PPP1R12B: variants seen among roughly 807,000 people sequenced by gnomAD.
The protein encoded by PPP1R12B is protein phosphatase 1 regulatory subunit 12B.
Under a neutral mutation model 126.1 loss-of-function variants are expected in PPP1R12B, and 76 were observed. That is an observed-to-expected ratio of 0.60 (90% CI 0.50 to 0.73). The LOEUF (loss-of-function observed/expected upper bound fraction) is 0.73, where lower values mean the gene tolerates loss of function less well. PPP1R12B is among the 30% of genes least tolerant of loss of function. The pLI is 0.00. For missense variants in PPP1R12B, 1,052 were observed against 1,205.1 expected, an observed-to-expected ratio of 0.87 and a Z score of 1.88; for synonymous variants, 356 against 434.7, an observed-to-expected ratio of 0.82 and a Z score of 2.25.
chr1:202,497,320 G>T (rs192736494), intron 18 of PPP1R12B, among the ~76,000 whole-genome samples: 153 of 152,276 alleles, frequency 1.0e-3, no homozygotes, highest in African/African-American at 3.4e-3. Flanking sequence ...ACTCTTCCCT[G>T]CAGTGAAAGG....
At chr1:202,491,407 T>G (rs1483787393) in intron 14 of PPP1R12B, among the ~76,000 whole-genome samples, 1 of 152,112 alleles carries the variant, frequency 6.6e-6, no homozygotes, top group Non-Finnish European at 1.5e-5. Context: ...CCTTGGCCTT[T>G]CAAGGTGCTG....
At chr1:202,371,895 G>T (rs569232231) in intron 1 of PPP1R12B, among the ~76,000 whole-genome samples, 85 of 117,258 alleles carry the variant, frequency 7.2e-4, no homozygotes, top group African/African-American at 2.7e-3. Context: ...ACGGAGTATC[G>T]CTCTGTTGCC....
At chr1:202,477,428 A>G (rs1470571919) in intron 13 of PPP1R12B, among the ~76,000 whole-genome samples, 2 of 152,202 alleles carry the variant, frequency 1.3e-5, no homozygotes, top group Non-Finnish European at 2.9e-5. Context: ...AGGCAGTATG[A>G]TTTTTATGCC....
Position 202,493,302 on chromosome 1 carries a change from G to GGCC in PPP1R12B, c.2130_2131insGCC (p.Arg710_Ser711insAla), listed in dbSNP as rs1679132499. On this transcript the variant is annotated inframe_insertion, in exon 15 of 24. Coordinates refer to ENST00000608999, the MANE Select transcript of PPP1R12B (RefSeq NM_002481.4). Reference sequence around the variant, plus strand: ...GGGAGGGCCAGCAGCCCTGGGGCAGGAGTCTGGATGAAGAGGTGAGCTCAT... The same window carrying GGCC: ...GGGAGGGCCAGCAGCCCTGGGGCAGGGCCAGTCTGGATGAAGAGGTGAGCTCAT... 6.2e-7 allele frequency: 1 copy of GGCC among 1,612,030 alleles called. No homozygotes were observed. Among genetic ancestry groups the GGCC allele is most frequent in the Non-Finnish European group, 8.5e-7 (1 of 1,179,722 alleles).
chr1:202,514,615 A>G (rs1440202516), intron 18 of PPP1R12B, among the ~76,000 whole-genome samples: 1 of 152,148 alleles, frequency 6.6e-6, no homozygotes, highest in African/African-American at 2.4e-5. Context: ...TGGTGCAAGG[A>G]AGGTGTCTAG....
intron 18 of PPP1R12B, among the ~76,000 whole-genome samples, chr1:202,503,473 A>C (rs1680447113): frequency 6.6e-6 from 1 of 152,228 alleles, no homozygotes; most frequent in African/African-American, 2.4e-5. Context: ...AGATGTAGGA[A>C]TCTGCAATTC....
intron 1 of PPP1R12B, among the ~76,000 whole-genome samples, chr1:202,400,670 C>A (rs1665683789): frequency 6.6e-6 from 1 of 152,188 alleles, no homozygotes; most frequent in African/African-American, 2.4e-5. Flanking sequence ...CAGCAATATG[C>A]ATGAGCAGTT....
At chr1:202,479,051 T>C (rs910607875) in intron 13 of PPP1R12B, among the ~76,000 whole-genome samples, 5 of 152,220 alleles carry the variant, frequency 3.3e-5, no homozygotes, top group African/African-American at 1.2e-4. Flanking sequence ...CAGAAATTCA[T>C]GGGAAGTTAG....
chr1:202,554,507 G>A lies in PPP1R12B; in HGVS notation c.2491-4370G>A, dbSNP rs1458420900. 7.2e-5 allele frequency among the ~76,000 whole-genome samples: 11 copies of A among 152,036 alleles called. No homozygotes were observed. The East Asian group carries it at 1.9e-3, about 27-fold the overall frequency. ...GTAGGGTTGACTTTCCCAGGACATT[G>A]CTAAGGTTAGCCCCTGAAGGCAATA... On this transcript the variant is annotated intron_variant, in intron 18 of 23. Transcript: ENST00000608999.
At chr1:202,475,160 A>G (rs1034090490) in intron 13 of PPP1R12B, among the ~76,000 whole-genome samples, 4 of 152,192 alleles carry the variant, frequency 2.6e-5, no homozygotes, top group Admixed American at 2.0e-4. Context: ...TGTTCTTTCT[A>G]TTGTACCATA....
chr1:202,561,079 A>T (rs1268044114), intron 19 of PPP1R12B, among the ~76,000 whole-genome samples: 2 of 151,970 alleles, frequency 1.3e-5, no homozygotes, highest in African/African-American at 4.8e-5. Context: ...CTACAATAAG[A>T]AAAAGATGAT....
At chr1:202,439,295 C>G in intron 10 of PPP1R12B, 1 of 1,418,394 alleles carries the variant, frequency 7.1e-7, no homozygotes, top group Non-Finnish European at 9.9e-7. Flanking sequence ...AGGGTGAGTA[C>G]AGTGAGGCCA....
At chr1:202,562,723 T>TC in intron 19 of PPP1R12B, 55 bp from the exon 20 acceptor site, 1 of 1,546,562 alleles carries the variant, frequency 6.5e-7, no homozygotes, top group Non-Finnish European at 8.9e-7. Flanking sequence ...CATTACCTTC[T>TC]CCCCACTACT....
rs183807986 is a variant in PPP1R12B at position 202,358,422 on chromosome 1, C to G, written c.291+9280C>G. Reference sequence around the variant, plus strand: ...CTTTGCCCAGGCGCGGTGGCTCACGCCTGTAATCCCAGCACTTTGGGAGGC... The same window carrying G: ...CTTTGCCCAGGCGCGGTGGCTCACGGCTGTAATCCCAGCACTTTGGGAGGC... On this transcript the variant is annotated intron_variant, in intron 1 of 23. Transcript: ENST00000608999. 4.9e-3 allele frequency among the ~76,000 whole-genome samples: 744 copies of G among 152,294 alleles called. 10 individuals are homozygous for G. The highest frequency in any genetic ancestry group is 0.016 in the African/African-American group (678 of 41,552).
intron 18 of PPP1R12B, among the ~76,000 whole-genome samples, chr1:202,541,656 C>G (rs756639181): frequency 6.6e-6 from 1 of 152,208 alleles, no homozygotes; most frequent in Non-Finnish European, 1.5e-5. Context: ...ATTAATGTCT[C>G]TTCACCACTA....
intron 8 of PPP1R12B, 117 bp from the exon 9 acceptor site, chr1:202,434,539 G>A: frequency 1.5e-6 from 2 of 1,298,432 alleles, no homozygotes; most frequent in South Asian, 3.4e-5. Flanking sequence ...AGCATTACAG[G>A]GCCTTAATAA....
chr1:202,385,276 CT>C (rs1056224021), intron 1 of PPP1R12B, among the ~76,000 whole-genome samples: 1 of 152,174 alleles, frequency 6.6e-6, no homozygotes, highest in African/African-American at 2.4e-5. Flanking sequence ...ATTATTTAGA[CT>C]GTTTACATCT....
At chr1:202,540,022 C>G in intron 18 of PPP1R12B, 1 of 1,374,074 alleles carries the variant, frequency 7.3e-7, no homozygotes. Flanking sequence ...TAGTTCTATC[C>G]AAAGTCATCT....
chr1:202,472,598 C>T (rs1450253072), intron 13 of PPP1R12B, among the ~76,000 whole-genome samples: 2 of 152,116 alleles, frequency 1.3e-5, no homozygotes, highest in Admixed American at 1.3e-4. Flanking sequence ...GCACTTGAGG[C>T]TGGCATGTTT....
Sources: gnomAD v4.1 joint callset for allele counts (sites outside exome capture counted in the v4.1 genomes callset) on GRCh38, gnomAD v4.1.1 for gene constraint, MANE v1.5 for transcripts, NCBI Gene and HGNC (gene_info 2026-07-23, HGNC 2026-07-21) for gene names.